DMRT1: variants seen among roughly 807,000 people sequenced by gnomAD.
DMRT1 encodes the protein doublesex- and mab-3-related transcription factor 1.
A neutral mutation model predicts 32.3 loss-of-function variants in DMRT1; 7 were observed. That is an observed-to-expected ratio of 0.22 (90% CI 0.12 to 0.41). DMRT1 has a LOEUF of 0.41. Ranked by LOEUF, DMRT1 falls within the 10% of genes least tolerant of loss-of-function variation. The pLI, the probability that DMRT1 is intolerant of heterozygous loss-of-function variation, is 1.00. For synonymous variants in DMRT1, 278 were observed against 206.1 expected (o/e 1.35, Z -2.99); for missense variants, 625 against 500.5 (o/e 1.25, Z -2.37).
intron 2 of DMRT1, among the ~76,000 whole-genome samples, chr9:861,478 C>A (rs969186115): frequency 6.6e-6 from 1 of 152,260 alleles, no homozygotes; most frequent in Non-Finnish European, 1.5e-5. Flanking sequence ...TCTACACAGA[C>A]ACAATAACAA....
intron 2 of DMRT1, among the ~76,000 whole-genome samples, chr9:855,403 G>A (rs1008405188): frequency 2.0e-5 from 3 of 152,126 alleles, no homozygotes; most frequent in African/African-American, 7.2e-5. Context: ...TAATCTTTAA[G>A]GACAAACACT....
At chr9:877,924 G>C (rs1816571067) in intron 2 of DMRT1, among the ~76,000 whole-genome samples, 1 of 152,176 alleles carries the variant, frequency 6.6e-6, no homozygotes, top group South Asian at 2.1e-4. Context: ...AATGACCCAT[G>C]GTTGGCTTTG....
rs116868331 is a variant in DMRT1 at position 934,768 on chromosome 9, C to G, written c.967+17861C>G. The stretch of plus-strand genomic sequence containing the variant: ...ACTCTCCTTTCCTCCATTAAATGGT[C>G]TTGGTGCCAAGAGGACAAAGTGGCA... On this transcript the variant is annotated intron_variant, in intron 4 of 4. Transcript: ENST00000382276. Among the ~76,000 whole-genome samples, 151 of 152,294 alleles carry G rather than the reference C, an allele frequency of 9.9e-4. 3 individuals carry two copies. In the East Asian group the frequency reaches 0.021, roughly 21 times the overall value.
rs183966327 is a variant in DMRT1 at position 845,083 on chromosome 9, T to G, written c.355-1877T>G. ...CCTTTGGCTTATATTTGGGCAGCTCTGCGGTGTGGGTGCTTCACTGTCATT... is the reference window on the plus strand; with the variant it reads ...CCTTTGGCTTATATTTGGGCAGCTCGGCGGTGTGGGTGCTTCACTGTCATT... On this transcript the variant is annotated intron_variant, in intron 1 of 4. Coordinates refer to ENST00000382276, the MANE Select transcript of DMRT1 (RefSeq NM_021951.3). 1.6e-4 allele frequency among the ~76,000 whole-genome samples: 24 copies of G among 152,376 alleles called. No homozygotes were observed. In the East Asian group the frequency reaches 4.6e-3, roughly 29 times the overall value.
chr9:882,840 C>G (rs936436776), intron 2 of DMRT1, among the ~76,000 whole-genome samples: 1 of 147,266 alleles, frequency 6.8e-6, no homozygotes, highest in Admixed American at 7.0e-5. Flanking sequence ...GGCATGATCT[C>G]GGCTCACTGC....
intron 4 of DMRT1, among the ~76,000 whole-genome samples, chr9:952,400 A>G (rs1373399707): frequency 6.6e-6 from 1 of 152,212 alleles, no homozygotes; most frequent in Non-Finnish European, 1.5e-5. Flanking sequence ...GAGATAAAAC[A>G]TGTTCTAAAA....
At chr9:928,629 G>C (rs1417261407) in intron 4 of DMRT1, among the ~76,000 whole-genome samples, 1 of 152,106 alleles carries the variant, frequency 6.6e-6, no homozygotes, top group African/African-American at 2.4e-5. Flanking sequence ...TGGAGAACCA[G>C]AGACTATACC....
At position 916,805 on chromosome 9, in the gene DMRT1, A is replaced by C. The variant is rs752007879; in HGVS notation, c.865A>C (p.Arg289=). The change falls in exon 4 of 5, where the codon AGG becomes CGG. Residue 289 remains arginine (R), a synonymous_variant. Coordinates refer to ENST00000382276, the MANE Select transcript of DMRT1 (RefSeq NM_021951.3). ...ENRHAMSSQY[R]MHSYYPPPSY... Reference sequence around the variant, plus strand: ...CCGCCATGCAATGAGCTCCCAGTACAGGATGCATTCTTACTACCCGCCTCC... The same window carrying C: ...CCGCCATGCAATGAGCTCCCAGTACCGGATGCATTCTTACTACCCGCCTCC... 4.1e-5 allele frequency: 66 copies of C among 1,614,106 alleles called. 2 individuals are homozygous for C. The South Asian group carries it at 6.7e-4, about 16-fold the overall frequency.
chr9:939,490 A>G (rs1818992279), intron 4 of DMRT1, among the ~76,000 whole-genome samples: 1 of 152,322 alleles, frequency 6.6e-6, no homozygotes, highest in African/African-American at 2.4e-5. Flanking sequence ...TTGAAATATG[A>G]AACTTCCCCA....
chr9:948,373 G>GAC (rs1242800270), intron 4 of DMRT1, among the ~76,000 whole-genome samples: 5 of 152,134 alleles, frequency 3.3e-5, no homozygotes, highest in African/African-American at 7.2e-5. Context: ...TCTCCACAGG[G>GAC]ACATGAACTA....
At chr9:863,043 G>A (rs1239952211) in intron 2 of DMRT1, among the ~76,000 whole-genome samples, 1 of 150,964 alleles carries the variant, frequency 6.6e-6, no homozygotes, top group Non-Finnish European at 1.5e-5. Context: ...CCCTGGGTGT[G>A]GTAGCTCATG....
rs182333770 is a variant in DMRT1, at chr9:883,351, C to T, written c.539-10561C>T. On this transcript the variant is annotated intron_variant, in intron 2 of 4. Coordinates refer to ENST00000382276, the MANE Select transcript of DMRT1 (RefSeq NM_021951.3). ...CATTCCGTGTCTTGTGCTACAGGAGCGACACTAGTGAGCCAACATCAGGGG... is the reference window on the plus strand; with the variant it reads ...CATTCCGTGTCTTGTGCTACAGGAGTGACACTAGTGAGCCAACATCAGGGG... 1.8e-3 allele frequency among the ~76,000 whole-genome samples: 275 copies of T among 152,100 alleles called. 3 individuals are homozygous for T. Among genetic ancestry groups the T allele is most frequent in the South Asian group, 0.013 (63 of 4,804 alleles).
chr9:891,759 C>T (rs895682891), intron 2 of DMRT1, among the ~76,000 whole-genome samples: 4 of 151,810 alleles, frequency 2.6e-5, no homozygotes, highest in Admixed American at 6.6e-5. Flanking sequence ...CTCCTGACCT[C>T]GTGAATCACC....
intron 2 of DMRT1, among the ~76,000 whole-genome samples, chr9:885,476 C>G (rs186088074): frequency 6.6e-5 from 10 of 152,318 alleles, no homozygotes; most frequent in African/African-American, 2.4e-4. Context: ...TCTTCTCCTA[C>G]TTCCCCAACC....
intron 3 of DMRT1, among the ~76,000 whole-genome samples, chr9:900,226 C>G (rs1009740881): frequency 6.6e-6 from 1 of 152,144 alleles, no homozygotes; most frequent in South Asian, 2.1e-4. Context: ...AAAAGTGCCC[C>G]CTTGTGAGTG....
chr9:842,205 G>T lies in DMRT1; in HGVS notation c.354+13G>T, dbSNP rs1175825252. 5 of 1,534,260 alleles carry T rather than the reference G, an allele frequency of 3.3e-6. No individual in the cohort carries two copies. ...GATGGCCGCGCAGGTGGGTGCGGGC[G>T]TGCGGGAGCCCGGGTTCAGCCTTAG... On this transcript the variant is annotated intron_variant, in intron 1 of 4. Transcript: ENST00000382276.
intron 4 of DMRT1, among the ~76,000 whole-genome samples, chr9:948,534 C>G (rs1454660687): frequency 6.6e-6 from 1 of 152,072 alleles, no homozygotes; most frequent in Non-Finnish European, 1.5e-5. Context: ...CTGTTGGAAG[C>G]CTCTCTGCTG....
Position 968,260 on chromosome 9 carries a change from A to G in DMRT1, c.*121A>G. 1.6e-6 allele frequency: 2 copies of G among 1,273,748 alleles called. No homozygotes were observed. Among genetic ancestry groups the G allele is most frequent in the South Asian group, 1.3e-5 (1 of 76,940 alleles). The allele number at this position is 1,273,748 out of a possible 1,614,324, so 78.9% of individuals were successfully genotyped here. On this transcript the variant is annotated 3_prime_UTR_variant, in exon 5 of 5. Transcript: ENST00000382276. ...TAACTGTTGAGAACGTATTTGGTTTATATTCCTTAGAGTTTAGTCCAGAGG... is the reference window on the plus strand; with the variant it reads ...TAACTGTTGAGAACGTATTTGGTTTGTATTCCTTAGAGTTTAGTCCAGAGG...
intron 4 of DMRT1, among the ~76,000 whole-genome samples, chr9:928,651 A>G (rs918736437): frequency 1.1e-4 from 17 of 152,154 alleles, no homozygotes; most frequent in African/African-American, 3.6e-4. Flanking sequence ...AAATCAGCCC[A>G]GTAGTTTTTT....
Sources: gnomAD v4.1 joint callset for allele counts (sites outside exome capture counted in the v4.1 genomes callset) on GRCh38, gnomAD v4.1.1 for gene constraint, MANE v1.5 for transcripts, NCBI Gene and HGNC (gene_info 2026-07-23, HGNC 2026-07-21) for gene names.